The following SUCLG2 variants were observed in gnomAD, a reference collection of about 807,000 sequenced individuals.
The protein encoded by SUCLG2 is succinate-CoA ligase GDP-forming subunit beta.
SUCLG2 carries 42 observed loss-of-function variants against 47.9 expected under a neutral mutation model. That is an observed-to-expected ratio of 0.88 (90% confidence interval 0.69 to 1.14). SUCLG2 has a LOEUF of 1.14. Ranked by LOEUF, SUCLG2 falls within the 50% of genes most tolerant of loss-of-function variation. The pLI is 0.00. For synonymous variants in SUCLG2, 195 were observed against 197.3 expected (o/e 0.99, Z 0.10); for missense variants, 571 against 525.9 (o/e 1.09, Z -0.84).
chr3:67,525,458 A>G (rs959755725), intron 4 of SUCLG2, among the ~76,000 whole-genome samples: 8 of 152,084 alleles, frequency 5.3e-5, no homozygotes, highest in Non-Finnish European at 1.2e-4. Flanking sequence ...AGAGAACCCC[A>G]AAACAGACCC....
At chr3:67,567,978 C>T (rs1707505162) in intron 2 of SUCLG2, among the ~76,000 whole-genome samples, 1 of 152,184 alleles carries the variant, frequency 6.6e-6, no homozygotes, top group Non-Finnish European at 1.5e-5. Context: ...AAGATACGCA[C>T]TGATCAGCTC....
intron 9 of SUCLG2, among the ~76,000 whole-genome samples, chr3:67,412,854 C>A (rs1042696135): frequency 6.6e-6 from 1 of 152,094 alleles, no homozygotes; most frequent in African/African-American, 2.4e-5. Context: ...CCATTGTTTC[C>A]TTTTAAGACT....
At chr3:67,380,982 A>G (rs1465803719) in intron 10 of SUCLG2, among the ~76,000 whole-genome samples, 1 of 151,936 alleles carries the variant, frequency 6.6e-6, no homozygotes, top group Non-Finnish European at 1.5e-5. Flanking sequence ...CTGTTGAGGG[A>G]ACAACTGGAA....
At chr3:67,474,618 T>G (rs1429304963) in intron 9 of SUCLG2, among the ~76,000 whole-genome samples, 2 of 152,246 alleles carry the variant, frequency 1.3e-5, no homozygotes, top group African/African-American at 4.8e-5. Context: ...TACTGTTACA[T>G]ATAAAGTTTT....
chr3:67,570,640 G>A (rs1487539657), intron 2 of SUCLG2, among the ~76,000 whole-genome samples: 1 of 152,180 alleles, frequency 6.6e-6, no homozygotes, highest in Non-Finnish European at 1.5e-5. Flanking sequence ...ATATAGTGAA[G>A]CTCTCAATAA....
intron 9 of SUCLG2, among the ~76,000 whole-genome samples, chr3:67,465,717 A>G (rs1346820631): frequency 6.6e-6 from 1 of 151,972 alleles, no homozygotes; most frequent in East Asian, 1.9e-4. Flanking sequence ...CTGCTTTCTC[A>G]TTTTCTTTCA....
intron 10 of SUCLG2, among the ~76,000 whole-genome samples, chr3:67,367,826 A>G (rs12492717): frequency 0.087 from 13,298 of 152,270 alleles, 640 homozygotes; most frequent in Middle Eastern, 0.24. Flanking sequence ...TTATATTGTT[A>G]TGGTCAATTT....
chr3:67,453,311 T>C (rs1704102299), intron 9 of SUCLG2, among the ~76,000 whole-genome samples: 1 of 152,074 alleles, frequency 6.6e-6, no homozygotes, highest in Non-Finnish European at 1.5e-5. Flanking sequence ...ACAACAGAAA[T>C]TTATTTCTCA....
At chr3:67,567,517 G>T (rs1192036819) in intron 2 of SUCLG2, among the ~76,000 whole-genome samples, 1 of 152,130 alleles carries the variant, frequency 6.6e-6, no homozygotes, top group Non-Finnish European at 1.5e-5. Context: ...GGCCTCAAGC[G>T]ATCCTGCCAC....
At chr3:67,390,564 A>G (rs1702357877) in intron 10 of SUCLG2, among the ~76,000 whole-genome samples, 1 of 152,220 alleles carries the variant, frequency 6.6e-6, no homozygotes, top group South Asian at 2.1e-4. Context: ...CTCTTGCGTG[A>G]AATGAACAGC....
intron 10 of SUCLG2, among the ~76,000 whole-genome samples, chr3:67,399,327 G>A (rs1339844022): frequency 6.6e-6 from 1 of 152,170 alleles, no homozygotes; most frequent in African/African-American, 2.4e-5. Flanking sequence ...TCGTGCAACT[G>A]TCTGGGTATC....
intron 7 of SUCLG2, among the ~76,000 whole-genome samples, chr3:67,500,013 G>A (rs1202518522): frequency 1.3e-5 from 2 of 152,170 alleles, no homozygotes; most frequent in Admixed American, 6.5e-5. Context: ...TTACAGGTGT[G>A]AGCCACTGCA....
chr3:67,477,585 C>T (rs1314762729), intron 9 of SUCLG2, among the ~76,000 whole-genome samples: 1 of 152,146 alleles, frequency 6.6e-6, no homozygotes, highest in Non-Finnish European at 1.5e-5. Flanking sequence ...ATCCCAGCTA[C>T]TTGGGAGGCT....
intron 1 of SUCLG2, among the ~76,000 whole-genome samples, chr3:67,623,452 G>A (rs1700770510): frequency 6.6e-6 from 1 of 152,132 alleles, no homozygotes; most frequent in African/African-American, 2.4e-5. Context: ...AGTGAGTGGA[G>A]ATCGAGCCAC....
chr3:67,622,002 G>A lies in SUCLG2; in HGVS notation c.85-12406C>T, dbSNP rs533045696. 2.6e-4 allele frequency among the ~76,000 whole-genome samples: 39 copies of A among 152,144 alleles called. No individual in the cohort carries two copies. In the South Asian group the frequency reaches 2.7e-3, roughly 11 times the overall value. On this transcript the variant is annotated intron_variant, in intron 1 of 10. Transcript: ENST00000307227. The stretch of plus-strand genomic sequence containing the variant: ...TCCATTATTTAATATCAATCTCAGC[G>A]GGCAACAGGCTACAGTACCTCTATC...
In SUCLG2 at chr3:67,437,458, T is replaced by A. The variant is rs140799332; in HGVS notation, c.1063-36607A>T. ...TACGATAGCTTTTTAACGTACCAGA[T>A]AGAAACAGTCTTTGTGTGTCAGGAT... On this transcript the variant is annotated intron_variant, in intron 9 of 10. Coordinates refer to ENST00000307227, the MANE Select transcript of SUCLG2 (RefSeq NM_003848.4). Among the ~76,000 whole-genome samples, 930 of 152,286 alleles carry A rather than the reference T, an allele frequency of 6.1e-3. 7 individuals carry two copies. The highest frequency in any genetic ancestry group is 0.012 in the Admixed American group (180 of 15,292).
chr3:67,419,835 A>G (rs1173279020), intron 9 of SUCLG2, among the ~76,000 whole-genome samples: 1 of 152,216 alleles, frequency 6.6e-6, no homozygotes, highest in Non-Finnish European at 1.5e-5. Flanking sequence ...ATTTAGAATG[A>G]CAGGTTGCAT....
At chr3:67,614,006 T>A (rs2242021) in intron 1 of SUCLG2, among the ~76,000 whole-genome samples, 1 of 151,938 alleles carries the variant, frequency 6.6e-6, no homozygotes, top group Non-Finnish European at 1.5e-5. Context: ...GAGGTGGAGA[T>A]GTGAATAGGT....
intron 1 of SUCLG2, among the ~76,000 whole-genome samples, chr3:67,644,095 GA>G (rs1342440683): frequency 1.1e-4 from 16 of 152,136 alleles, no homozygotes; most frequent in African/African-American, 3.4e-4. Flanking sequence ...TTGGACATGG[GA>G]AACTGAAAAT....
Sources: allele counts gnomAD v4.1 joint callset (sites outside exome capture counted in the v4.1 genomes callset), GRCh38; gene constraint gnomAD v4.1.1; transcripts MANE v1.5; gene names NCBI Gene and HGNC (gene_info 2026-07-23, HGNC 2026-07-21).